Variants in CCNY observed in about 807,000 individuals in gnomAD.
CCNY encodes the protein cyclin Y.
In CCNY, 19 loss-of-function variants were observed where a neutral mutation model predicts 42.8. The ratio of observed to expected loss-of-function variants is 0.44; its 90% confidence interval spans 0.31 to 0.65. The LOEUF is 0.65. Ranked by LOEUF, CCNY falls within the 30% of genes least tolerant of loss-of-function variation. The probability of loss-of-function intolerance (pLI) is 0.07; values close to 1 mark genes in which losing one functional copy is unlikely to be tolerated. For synonymous variants in CCNY, 165 were observed against 162.7 expected (o/e 1.01, Z -0.11); for missense variants, 370 against 437.3 (o/e 0.85, Z 1.37).
At chr10:35,330,426 C>T (rs1835928762) in intron 3 of CCNY, among the ~76,000 whole-genome samples, 1 of 152,180 alleles carries the variant, frequency 6.6e-6, no homozygotes, top group Non-Finnish European at 1.5e-5. Context: ...GAGCCAAGTA[C>T]ACATGATAGC....
chr10:35,421,110 A>C (rs899963209), intron 1 of CCNY, among the ~76,000 whole-genome samples: 1 of 151,720 alleles, frequency 6.6e-6, no homozygotes, highest in African/African-American at 2.4e-5. Flanking sequence ...TGGGTGTAGG[A>C]CGAGGTTCAA....
At chr10:35,550,582 A>G (rs1035530759) in intron 7 of CCNY, among the ~76,000 whole-genome samples, 1 of 151,934 alleles carries the variant, frequency 6.6e-6, no homozygotes, top group African/African-American at 2.4e-5. Flanking sequence ...CCACCTGCAC[A>G]GTCACTGCCT....
At chr10:35,529,902 T>A in intron 5 of CCNY, 71 bp from the exon 6 acceptor site, 1 of 1,342,958 alleles carries the variant, frequency 7.4e-7, no homozygotes, top group Non-Finnish European at 1.1e-6. Context: ...TGAATTAAAA[T>A]GTATTTTTGT....
At chr10:35,560,773 A>G (rs1841450210) in intron 8 of CCNY, among the ~76,000 whole-genome samples, 1 of 152,190 alleles carries the variant, frequency 6.6e-6, no homozygotes, top group Admixed American at 6.5e-5. Flanking sequence ...AAATAGATTT[A>G]CTATTAGAAT....
chr10:35,542,466 T>C (rs539066637), intron 7 of CCNY, among the ~76,000 whole-genome samples: 1 of 152,266 alleles, frequency 6.6e-6, no homozygotes, highest in East Asian at 1.9e-4. Context: ...CTGTACTGTG[T>C]ATCCTTCGAA....
At chr10:35,502,212 G>C (rs148888104) in intron 3 of CCNY, among the ~76,000 whole-genome samples, 33 of 152,124 alleles carry the variant, frequency 2.2e-4, no homozygotes, top group Admixed American at 1.9e-3. Context: ...TACCAGGCAA[G>C]TCCTAGCCAC....
intron 3 of CCNY, among the ~76,000 whole-genome samples, chr10:35,253,908 C>T (rs1380190162): frequency 3.4e-5 from 5 of 146,384 alleles, no homozygotes; most frequent in African/African-American, 1.3e-4. Flanking sequence ...CGGAGTCTCA[C>T]TCTGTCGCCC....
At chr10:35,380,350 T>C (rs574072648) in intron 1 of CCNY, among the ~76,000 whole-genome samples, 1 of 152,314 alleles carries the variant, frequency 6.6e-6, no homozygotes, top group South Asian at 2.1e-4. Flanking sequence ...TTTCCCTTTC[T>C]CTCCCACTCC....
chr10:35,455,780 T>A (rs1346112866), intron 1 of CCNY, among the ~76,000 whole-genome samples: 2 of 150,398 alleles, frequency 1.3e-5, no homozygotes, highest in Admixed American at 6.6e-5. Flanking sequence ...TTAGTGATCC[T>A]CTGATGGCTC....
intron 3 of CCNY, among the ~76,000 whole-genome samples, chr10:35,260,263 GAA>G (rs1231344301): frequency 3.3e-5 from 5 of 152,296 alleles, no homozygotes; most frequent in East Asian, 1.9e-4. Flanking sequence ...ACCACAGGGA[GAA>G]AAGACTCTTG....
chr10:35,273,881 C>T (rs1296219911), intron 3 of CCNY, among the ~76,000 whole-genome samples: 1 of 152,166 alleles, frequency 6.6e-6, no homozygotes, highest in Non-Finnish European at 1.5e-5. Context: ...AATATGACTG[C>T]TTGCACAGAA....
rs369445728 is a variant in CCNY at position 35,372,900 on chromosome 10, G to A, written c.154+35693G>A. On this transcript the variant is annotated intron_variant, in intron 1 of 9. Coordinates refer to ENST00000374704, the MANE Select transcript of CCNY (RefSeq NM_145012.6). ...TTTTTTAGAGACAGGGCTTCACCATGTTGGCCAGGCTGGTCTCAAACTCCT... is the reference window on the plus strand; with the variant it reads ...TTTTTTAGAGACAGGGCTTCACCATATTGGCCAGGCTGGTCTCAAACTCCT... 1.5e-4 allele frequency among the ~76,000 whole-genome samples: 23 copies of A among 152,184 alleles called. No homozygotes were observed. In the East Asian group the frequency reaches 3.3e-3, roughly 22 times the overall value.
intron 3 of CCNY, among the ~76,000 whole-genome samples, chr10:35,281,598 T>C (rs527860306): frequency 6.6e-6 from 1 of 152,284 alleles, no homozygotes; most frequent in Non-Finnish European, 1.5e-5. Flanking sequence ...CCACTGCGTC[T>C]GGCCTTGTAC....
At chr10:35,381,331 G>A (rs1296705503) in intron 1 of CCNY, among the ~76,000 whole-genome samples, 1 of 152,076 alleles carries the variant, frequency 6.6e-6, no homozygotes, top group Non-Finnish European at 1.5e-5. Context: ...AGGCCGAGGC[G>A]GGTGGATCAC....
intron 1 of CCNY, among the ~76,000 whole-genome samples, chr10:35,477,565 A>C (rs1310415278): frequency 6.6e-6 from 1 of 152,132 alleles, no homozygotes; most frequent in African/African-American, 2.4e-5. Context: ...GATGCAAAGA[A>C]GGCCTTTGAC....
intron 3 of CCNY, among the ~76,000 whole-genome samples, chr10:35,269,773 G>A (rs892404581): frequency 6.6e-6 from 1 of 151,808 alleles, no homozygotes; most frequent in Non-Finnish European, 1.5e-5. Context: ...GGGATTACAG[G>A]TGCCCACCAC....
At chr10:35,394,951 C>A in intron 1 of CCNY, 2 of 564,542 alleles carry the variant, frequency 3.5e-6, no homozygotes, top group East Asian at 1.5e-4. Flanking sequence ...GGAAACTTCA[C>A]ATCCATTCGC....
intron 1 of CCNY, among the ~76,000 whole-genome samples, chr10:35,371,915 A>G (rs988398348): frequency 3.3e-5 from 5 of 152,238 alleles, no homozygotes; most frequent in African/African-American, 1.2e-4. Context: ...GAGTGATTGC[A>G]TGAGTGATTG....
intron 1 of CCNY, among the ~76,000 whole-genome samples, chr10:35,427,672 G>T (rs566327773): frequency 2.6e-5 from 4 of 152,236 alleles, no homozygotes; most frequent in Admixed American, 1.3e-4. Flanking sequence ...GACCCACAGG[G>T]TCATATGTGT....
Sources: allele counts gnomAD v4.1 joint callset (sites outside exome capture counted in the v4.1 genomes callset), GRCh38; gene constraint gnomAD v4.1.1; transcripts MANE v1.5; gene names NCBI Gene and HGNC (gene_info 2026-07-23, HGNC 2026-07-21).